Variants in DISP1 observed in about 807,000 individuals in gnomAD.
DISP1 encodes dispatched RND transporter family member 1, also known as protein dispatched homolog 1.
In DISP1, 30 loss-of-function variants were observed where a neutral mutation model predicts 37.3. That is an observed-to-expected ratio of 0.80 (90% CI 0.60 to 1.09). The LOEUF (loss-of-function observed/expected upper bound fraction) is 1.09, where lower values mean the gene tolerates loss of function less well. DISP1 is among the 50% of genes least tolerant of loss of function. DISP1 has a pLI of 0.00. For synonymous variants in DISP1, 634 were observed against 690.2 expected (o/e 0.92, Z 1.28); for missense variants, 1,598 against 1,879.5 (o/e 0.85, Z 2.77).
intron 1 of DISP1, among the ~76,000 whole-genome samples, chr1:222,839,621 T>A (rs1667465600): frequency 6.6e-6 from 1 of 152,056 alleles, no homozygotes; most frequent in African/African-American, 2.4e-5. Flanking sequence ...CCATTGGAAG[T>A]TGAGAATATC....
At chr1:222,904,636 C>G (rs1022014900) in intron 1 of DISP1, among the ~76,000 whole-genome samples, 5 of 150,814 alleles carry the variant, frequency 3.3e-5, no homozygotes, top group Non-Finnish European at 5.9e-5. Flanking sequence ...AGCGCGGTCT[C>G]GGCTCACTGC....
intron 1 of DISP1, among the ~76,000 whole-genome samples, chr1:222,866,803 A>G (rs1000342088): frequency 3.3e-5 from 5 of 152,222 alleles, no homozygotes; most frequent in Admixed American, 3.3e-4. Context: ...GCAGTTTGGC[A>G]AGCTTCTTTG....
rs752958936 is a variant in DISP1 at position 223,005,185 on chromosome 1, A to C, written c.3788A>C (p.His1263Pro). ...QPPLEQHTVC[H>P]FFSLNQRCSC... Reference sequence around the variant, plus strand: ...CCTCTTGAACAGCATACCGTGTGTCACTTCTTCTCTCTGAATCAGAGATGT... The same window carrying C: ...CCTCTTGAACAGCATACCGTGTGTCCCTTCTTCTCTCTGAATCAGAGATGT... The change falls in exon 9 of 9, where the codon CAC becomes CCC. Residue 1263 changes from histidine to proline, a missense_variant. By Grantham distance (77) the His-to-Pro change is moderately conservative (BLOSUM62 -2). Coordinates refer to ENST00000675850, the MANE Select transcript of DISP1 (RefSeq NM_001377229.1). 18 of 1,614,028 alleles carry C rather than the reference A, an allele frequency of 1.1e-5. No homozygotes were observed. The highest frequency in any genetic ancestry group is 1.5e-5 in the Non-Finnish European group (18 of 1,180,020).
intron 1 of DISP1, among the ~76,000 whole-genome samples, chr1:222,886,127 A>G (rs1000015616): frequency 1.3e-5 from 2 of 152,226 alleles, no homozygotes; most frequent in Admixed American, 1.3e-4. Flanking sequence ...AAGACCTTTC[A>G]GCGACACGTT....
intron 4 of DISP1, among the ~76,000 whole-genome samples, chr1:222,985,390 G>T (rs146525136): frequency 0.01 from 1,576 of 152,296 alleles, 17 homozygotes; most frequent in Non-Finnish European, 0.017. Flanking sequence ...AGTGGCTCAC[G>T]CCTATAATCC....
chr1:222,854,359 G>C (rs1296915695), intron 1 of DISP1, among the ~76,000 whole-genome samples: 4 of 152,120 alleles, frequency 2.6e-5, no homozygotes, highest in Non-Finnish European at 4.4e-5. Flanking sequence ...TCTCTTCAAA[G>C]GGTGGCAGGA....
chr1:222,856,711 T>C (rs1261550240), intron 1 of DISP1, among the ~76,000 whole-genome samples: 4 of 150,154 alleles, frequency 2.7e-5, no homozygotes, highest in African/African-American at 7.3e-5. Flanking sequence ...AATTCGTTTT[T>C]TTTTTTTTTT....
At chr1:223,001,125 A>G (rs1679413865) in intron 8 of DISP1, among the ~76,000 whole-genome samples, 7 of 152,220 alleles carry the variant, frequency 4.6e-5, no homozygotes, top group Admixed American at 4.6e-4. Context: ...CTAGCAAACC[A>G]GTGATGGAAC....
chr1:222,984,525 T>TATATAACATAGGTTTATATGTTAG (rs1381366949), intron 4 of DISP1, among the ~76,000 whole-genome samples: 1 of 149,814 alleles, frequency 6.7e-6, no homozygotes, highest in African/African-American at 2.5e-5. Context: ...TTATATGTTA[T>TATATAACATAGGTTTATATGTTAG]ATATAACAGG....
At chr1:222,887,000 G>A (rs1379108674) in intron 1 of DISP1, among the ~76,000 whole-genome samples, 1 of 152,148 alleles carries the variant, frequency 6.6e-6, no homozygotes, top group East Asian at 1.9e-4. Context: ...TCTGGGGAGG[G>A]TTTGTTTATA....
intron 6 of DISP1, 78 bp downstream of exon 6, chr1:222,991,725 A>C: frequency 2.1e-6 from 3 of 1,453,382 alleles, no homozygotes; most frequent in Non-Finnish European, 2.8e-6. Context: ...CTGCCTAAAC[A>C]AAAAATTTAA....
chr1:222,911,564 G>A (rs1672210397), intron 1 of DISP1, among the ~76,000 whole-genome samples: 1 of 151,914 alleles, frequency 6.6e-6, no homozygotes, highest in African/African-American at 2.4e-5. Context: ...GATTGCAGTG[G>A]TGCAGTCATA....
chr1:222,970,397 C>G (rs879896265), intron 3 of DISP1, among the ~76,000 whole-genome samples: 5 of 151,968 alleles, frequency 3.3e-5, no homozygotes, highest in African/African-American at 1.2e-4. Flanking sequence ...CATAAAGAGC[C>G]GGCATTATTT....
chr1:222,843,298 C>G (rs1667713870), intron 1 of DISP1, among the ~76,000 whole-genome samples: 1 of 151,898 alleles, frequency 6.6e-6, no homozygotes, highest in African/African-American at 2.4e-5. Flanking sequence ...ATAACAGTGA[C>G]TTGTAATTAG....
At chr1:222,856,498 G>A (rs1668552824) in intron 1 of DISP1, among the ~76,000 whole-genome samples, 1 of 152,206 alleles carries the variant, frequency 6.6e-6, no homozygotes, top group African/African-American at 2.4e-5. Context: ...ATAGCAGTTT[G>A]ATGATAAACA....
chr1:222,859,068 C>T (rs139170628), intron 1 of DISP1, among the ~76,000 whole-genome samples: 2,601 of 152,218 alleles, frequency 0.017, 73 homozygotes, highest in African/African-American at 0.057. Context: ...ATAGCAAAGA[C>T]ATGGAATCAA....
At chr1:222,849,580 A>G (rs1402968152) in intron 1 of DISP1, among the ~76,000 whole-genome samples, 1 of 152,188 alleles carries the variant, frequency 6.6e-6, no homozygotes, top group Non-Finnish European at 1.5e-5. Context: ...CTGGCCACCA[A>G]TCTGACAAAC....
chr1:222,875,254 A>G (rs925824131), intron 1 of DISP1, among the ~76,000 whole-genome samples: 15 of 151,946 alleles, frequency 9.9e-5, no homozygotes, highest in African/African-American at 3.4e-4. Flanking sequence ...CGGAGGTTGC[A>G]GTGAGCCCAA....
intron 1 of DISP1, among the ~76,000 whole-genome samples, chr1:222,913,392 A>G (rs772057616): frequency 1.3e-5 from 2 of 152,220 alleles, no homozygotes; most frequent in African/African-American, 2.4e-5. Flanking sequence ...CAAATGATCT[A>G]GAATATGAAC....
Sources: allele counts gnomAD v4.1 joint callset (sites outside exome capture counted in the v4.1 genomes callset), GRCh38; gene constraint gnomAD v4.1.1; transcripts MANE v1.5; gene names NCBI Gene and HGNC (gene_info 2026-07-23, HGNC 2026-07-21).